Variants in GABRB3 observed in about 807,000 individuals in gnomAD.
GABRB3 encodes the protein gamma-aminobutyric acid receptor subunit beta-3.
In GABRB3, 14 loss-of-function variants were observed where a neutral mutation model predicts 52.1. That is an observed-to-expected ratio of 0.27 (90% CI 0.18 to 0.42). The LOEUF (loss-of-function observed/expected upper bound fraction) is 0.42, where lower values mean the gene tolerates loss of function less well. GABRB3 is among the 10% of genes least tolerant of loss of function. The probability of loss-of-function intolerance (pLI) is 1.00; values close to 1 mark genes in which losing one functional copy is unlikely to be tolerated. For synonymous variants in GABRB3, 260 were observed against 232.3 expected, an observed-to-expected ratio of 1.12 and a Z score of -1.08; for missense variants, 307 against 609.1, an observed-to-expected ratio of 0.50 and a Z score of 5.22.
At chr15:26,628,708 CAAAACAA>C (rs1892807128) in intron 3 of GABRB3, among the ~76,000 whole-genome samples, 1 of 130,948 alleles carries the variant, frequency 7.6e-6, no homozygotes, top group African/African-American at 2.6e-5. Flanking sequence ...CAAAACAAAA[CAAAACAA>C]AAAACCAACC....
intron 6 of GABRB3, among the ~76,000 whole-genome samples, chr15:26,576,681 C>T (rs1019205774): frequency 5.9e-5 from 9 of 152,030 alleles, no homozygotes; most frequent in Non-Finnish European, 1.2e-4. Flanking sequence ...TTTCAGATAC[C>T]TGCAGTTTTC....
At chr15:26,673,520 A>T (rs1015036082) in intron 3 of GABRB3, among the ~76,000 whole-genome samples, 1 of 152,332 alleles carries the variant, frequency 6.6e-6, no homozygotes, top group South Asian at 2.1e-4. Context: ...ATAGAATGGT[A>T]ACCTCAAAAT....
Position 26,546,347 on chromosome 15 carries a change from A to T in GABRB3, c.*1446T>A, listed in dbSNP as rs942460917. 2 of 152,340 alleles carry T rather than the reference A, an allele frequency of 1.3e-5. No individual in the cohort carries two copies. Among genetic ancestry groups the T allele is most frequent in the African/African-American group, 2.4e-5 (1 of 41,334 alleles). The allele number at this position is 152,340 out of a possible 1,614,324, so 9.4% of individuals were successfully genotyped here. A position where few individuals can be genotyped will look rare whatever the true frequency, so the allele number is the denominator to read the frequency against. On this transcript the variant is annotated 3_prime_UTR_variant, in exon 9 of 9. Coordinates refer to ENST00000311550, the MANE Select transcript of GABRB3 (RefSeq NM_000814.6). ...AAAGATCTCATCTAAATAGTAAGTT[A>T]AGGTTGCGTCTATGAAACCGGTGCA...
At position 26,567,633 on chromosome 15, in the gene GABRB3, C is replaced by T. The variant is rs76812964; in HGVS notation, c.783G>A (p.Ser261=). The change falls in exon 7 of 9, where the codon TCG becomes TCA. Residue 261 remains serine (S), a synonymous_variant. Coordinates refer to ENST00000311550, the MANE Select transcript of GABRB3 (RefSeq NM_000814.6). ...CATAATTGATCCAGAAGGACACCCA[C>T]GACAGAATCGTTATCAGTATAGAGG... is the stretch of plus-strand genomic sequence containing the variant. ...YMPSILITIL[S]WVSFWINYDA... is the part of the protein sequence containing the mutation. 47,955 of 1,613,916 alleles carry T rather than the reference C, an allele frequency of 0.03. 854 individuals carry two copies. Among genetic ancestry groups the T allele is most frequent in the Non-Finnish European group, 0.034 (40,474 of 1,179,904 alleles).
At chr15:26,750,916 A>G (rs1890489038) in intron 3 of GABRB3, among the ~76,000 whole-genome samples, 1 of 152,096 alleles carries the variant, frequency 6.6e-6, no homozygotes, top group Admixed American at 6.5e-5. Context: ...CCAAACATTT[A>G]TTTTCAGATT....
intron 3 of GABRB3, among the ~76,000 whole-genome samples, chr15:26,761,371 G>A (rs1293041227): frequency 6.6e-6 from 1 of 150,700 alleles, no homozygotes; most frequent in Non-Finnish European, 1.5e-5. Context: ...CTCCAGCCTG[G>A]GTGACACAGC....
At chr15:26,615,586 T>C (rs1249347920) in intron 4 of GABRB3, 1 of 552,738 alleles carries the variant, frequency 1.8e-6, no homozygotes, top group African/African-American at 2.0e-5. Context: ...TGCACAGTCA[T>C]CAGAGTTAAG....
intron 3 of GABRB3, among the ~76,000 whole-genome samples, chr15:26,766,417 TAGG>T (rs1184677225): frequency 6.6e-6 from 1 of 152,106 alleles, no homozygotes; most frequent in African/African-American, 2.4e-5. Context: ...TGTGACACCC[TAGG>T]AGAACTCTAC....
chr15:26,700,635 C>T (rs1327893748), intron 3 of GABRB3, among the ~76,000 whole-genome samples: 1 of 152,190 alleles, frequency 6.6e-6, no homozygotes, highest in Non-Finnish European at 1.5e-5. Flanking sequence ...AAGTTTCCAA[C>T]AATTCAAGGA....
intron 8 of GABRB3, among the ~76,000 whole-genome samples, chr15:26,555,162 C>T (rs1401706498): frequency 2.6e-5 from 4 of 152,072 alleles, no homozygotes; most frequent in Middle Eastern, 3.4e-3. Flanking sequence ...CCAGCCTGGG[C>T]GACAGAGCGA....
chr15:26,634,866 A>G (rs1203036699), intron 3 of GABRB3, among the ~76,000 whole-genome samples: 1 of 148,636 alleles, frequency 6.7e-6, no homozygotes, highest in Non-Finnish European at 1.5e-5. Context: ...ACACATATAT[A>G]CACACATATT....
chr15:26,761,723 C>T (rs1890827519), intron 3 of GABRB3, among the ~76,000 whole-genome samples: 3 of 152,278 alleles, frequency 2.0e-5, no homozygotes, highest in African/African-American at 4.8e-5. Flanking sequence ...CTACCAACCA[C>T]GGCCACGCCC....
chr15:26,588,372 G>A (rs1473618119), intron 4 of GABRB3, among the ~76,000 whole-genome samples: 4 of 152,060 alleles, frequency 2.6e-5, no homozygotes, highest in Admixed American at 6.6e-5. Flanking sequence ...TAATACACAC[G>A]TGTTTACTCT....
At chr15:26,649,695 T>TGTGA (rs1277727985) in intron 3 of GABRB3, among the ~76,000 whole-genome samples, 3 of 149,070 alleles carry the variant, frequency 2.0e-5, no homozygotes, top group Non-Finnish European at 4.5e-5. Flanking sequence ...TGTGTGTGTG[T>TGTGA]GAAATTAGAG....
intron 3 of GABRB3, among the ~76,000 whole-genome samples, chr15:26,767,824 C>T (rs965132394): frequency 6.6e-6 from 1 of 152,212 alleles, no homozygotes; most frequent in African/African-American, 2.4e-5. Flanking sequence ...CTAGCTCACT[C>T]TAGCCTGAAT....
intron 3 of GABRB3, among the ~76,000 whole-genome samples, chr15:26,672,119 A>C (rs1000158007): frequency 2.0e-5 from 3 of 152,050 alleles, no homozygotes; most frequent in Non-Finnish European, 4.4e-5. Context: ...CGTGCTTAGA[A>C]CTTTACAAAC....
At chr15:26,632,892 T>A (rs907240284) in intron 3 of GABRB3, among the ~76,000 whole-genome samples, 2 of 152,194 alleles carry the variant, frequency 1.3e-5, no homozygotes, top group African/African-American at 4.8e-5. Flanking sequence ...TTTGGAAAAT[T>A]GTACTTTCTC....
chr15:26,628,547 A>C (rs1595496379), intron 3 of GABRB3, among the ~76,000 whole-genome samples: 1 of 152,354 alleles, frequency 6.6e-6, no homozygotes, highest in East Asian at 1.9e-4. Context: ...CATCTGATCT[A>C]AACCTAGAAG....
chr15:26,579,869 G>A (rs950105650), intron 6 of GABRB3, among the ~76,000 whole-genome samples: 1 of 152,106 alleles, frequency 6.6e-6, no homozygotes, highest in Non-Finnish European at 1.5e-5. Context: ...AGGCGGACTG[G>A]AGGTGGCGCA....
Sources: allele counts gnomAD v4.1 joint callset (sites outside exome capture counted in the v4.1 genomes callset), GRCh38; gene constraint gnomAD v4.1.1; transcripts MANE v1.5; gene names NCBI Gene and HGNC (gene_info 2026-07-23, HGNC 2026-07-21).